The following FGD5 variants were observed in gnomAD, a reference collection of about 807,000 sequenced individuals.
FGD5 encodes the protein FYVE, RhoGEF and PH domain containing 5, also known as FYVE, RhoGEF and PH domain-containing protein 5.
A neutral mutation model predicts 133.4 loss-of-function variants in FGD5; 28 were observed. The observed-to-expected ratio is 0.21, with a 90% CI of 0.16 to 0.29. The LOEUF is 0.29. Among genes scored for constraint, FGD5 ranks in the 10% least tolerant of loss-of-function variants. The pLI is 1.00. For synonymous variants in FGD5, 810 were observed against 776.5 expected, an observed-to-expected ratio of 1.04 and a Z score of -0.72; for missense variants, 1,858 against 1,895.2, an observed-to-expected ratio of 0.98 and a Z score of 0.36.
intron 1 of FGD5, among the ~76,000 whole-genome samples, chr3:14,856,465 G>C (rs2037278502): frequency 6.6e-6 from 1 of 152,098 alleles, no homozygotes; most frequent in Non-Finnish European, 1.5e-5. Context: ...CTTTGGGTAA[G>C]TATTGTCATT....
At position 14,918,760 on chromosome 3, in the gene FGD5, C is replaced by G. The variant is rs367649195; in HGVS notation, c.3496C>G (p.Arg1166Gly). The change falls in exon 13 of 20, where the codon CGC becomes GGC. Residue 1166 changes from arginine (R) to glycine (G), a missense_variant. Arg to Gly is a moderately radical substitution (Grantham distance 125). Around this residue, in one of 3 missense-constraint regions of FGD5, gnomAD observed 1,824 missense variants for 1,848.9 expected, o/e 0.99. Transcript: ENST00000285046. ...TLAVANMKVS[R>G]PVMEKVPYAL... ...GCTGCTGTTGGTTTTCCAGGTCAGC[C>G]GCCCTGTGATGGAGAAAGTGCCCTA... 10 of 1,613,848 alleles carry G rather than the reference C, an allele frequency of 6.2e-6. No homozygotes were observed. Among genetic ancestry groups the G allele is most frequent in the Non-Finnish European group, 7.6e-6 (9 of 1,179,892 alleles).
At chr3:14,825,768 C>T (rs2036587934) in intron 1 of FGD5, among the ~76,000 whole-genome samples, 1 of 152,140 alleles carries the variant, frequency 6.6e-6, no homozygotes, top group East Asian at 1.9e-4. Context: ...TCCAGATAGG[C>T]TGTCTTATGT....
intron 1 of FGD5, among the ~76,000 whole-genome samples, chr3:14,852,437 T>TAGCA (rs2037182744): frequency 6.6e-6 from 1 of 152,324 alleles, no homozygotes; most frequent in East Asian, 1.9e-4. Context: ...CTGAGAGGCC[T>TAGCA]AGCAAGGAGT....
At chr3:14,913,771 TCTGTC>T (rs2038496985) in intron 11 of FGD5, among the ~76,000 whole-genome samples, 1 of 152,180 alleles carries the variant, frequency 6.6e-6, no homozygotes, top group Admixed American at 6.5e-5. Context: ...CTCCACTTCA[TCTGTC>T]CCTGGTCTTG....
intron 4 of FGD5, among the ~76,000 whole-genome samples, chr3:14,891,698 G>A (rs1299297284): frequency 6.6e-6 from 1 of 152,208 alleles, no homozygotes; most frequent in East Asian, 1.9e-4. Flanking sequence ...CAGGAGGTGA[G>A]CACAGGACAG....
chr3:14,871,844 A>G (rs2037613498), intron 2 of FGD5, among the ~76,000 whole-genome samples: 2 of 152,250 alleles, frequency 1.3e-5, no homozygotes, highest in Non-Finnish European at 2.9e-5. Context: ...TGTGGTCCAC[A>G]GATGATACTC....
chr3:14,850,787 G>GT (rs1344414546), intron 1 of FGD5, among the ~76,000 whole-genome samples: 1 of 152,016 alleles, frequency 6.6e-6, no homozygotes, highest in Non-Finnish European at 1.5e-5. Flanking sequence ...ACCTTGGTTG[G>GT]GGGGGCAGTG....
chr3:14,863,117 G>A (rs546403465), intron 1 of FGD5, among the ~76,000 whole-genome samples: 6 of 152,326 alleles, frequency 3.9e-5, no homozygotes, highest in Non-Finnish European at 5.9e-5. Context: ...GCTCCCTTCC[G>A]TCCTGCCATC....
chr3:14,909,913 G>A (rs1350260700), intron 10 of FGD5, among the ~76,000 whole-genome samples: 8 of 151,522 alleles, frequency 5.3e-5, no homozygotes, highest in Admixed American at 4.6e-4. Context: ...CTACAGGCAC[G>A]CACCACCACA....
chr3:14,910,854 C>G lies in FGD5; in HGVS notation c.3337-7C>G, dbSNP rs952531087. On this transcript the variant is annotated splice_region_variant and splice_polypyrimidine_tract_variant and intron_variant, in intron 10 of 19. Transcript: ENST00000285046. ...CTGACCGCCAAGTTCTGCTTCTCTC[C>G]CCACAGGAGTTTCTGAAGGAAGGGA... The G allele has an allele frequency of 1.2e-6, 2 of 1,612,652 alleles. No individual in the cohort carries two copies. Among genetic ancestry groups the G allele is most frequent in the African/African-American group, 1.3e-5 (1 of 74,986 alleles).
At position 14,907,630 on chromosome 3, in the gene FGD5, C is replaced by T; in HGVS notation, c.3265-10C>T. 1.2e-6 allele frequency: 2 copies of T among 1,613,180 alleles called. No individual in the cohort carries two copies. The highest frequency in any genetic ancestry group is 1.7e-6 in the Non-Finnish European group (2 of 1,179,414). On this transcript the variant is annotated splice_polypyrimidine_tract_variant and intron_variant, in intron 9 of 19. Coordinates refer to ENST00000285046, the MANE Select transcript of FGD5 (RefSeq NM_152536.4). ...TGACCATCTCTCCCTCACCCCATTC[C>T]CACCCACAGGAAAACCTGCAGAAGC...
chr3:14,873,723 CT>C (rs34092618), intron 2 of FGD5, among the ~76,000 whole-genome samples: 95 of 132,246 alleles, frequency 7.2e-4, no homozygotes, highest in African/African-American at 1.5e-3. Flanking sequence ...AAGAGCTACA[CT>C]TTTTTTTTTC....
chr3:14,926,034 C>A, intron 17 of FGD5, 36 bp from the exon 18 acceptor site: 1 of 1,610,612 alleles, frequency 6.2e-7, no homozygotes, highest in South Asian at 1.1e-5. Context: ...GCCTGACCAC[C>A]GGGGTGGGCT....
chr3:14,816,868 C>T (rs2036376650), upstream of FGD5, among the ~76,000 whole-genome samples: 1 of 152,126 alleles, frequency 6.6e-6, no homozygotes, highest in Non-Finnish European at 1.5e-5. Flanking sequence ...GCTGTTTTAA[C>T]CTTTAAACCC....
chr3:14,826,646 T>C (rs1266558598), intron 1 of FGD5, among the ~76,000 whole-genome samples: 1 of 152,204 alleles, frequency 6.6e-6, no homozygotes, highest in Non-Finnish European at 1.5e-5. Flanking sequence ...TAGCTGTTAT[T>C]AAGTGACATG....
chr3:14,815,102 C>T (rs570972270), upstream of FGD5, among the ~76,000 whole-genome samples: 1 of 152,294 alleles, frequency 6.6e-6, no homozygotes, highest in East Asian at 1.9e-4. Context: ...ATGTGCATGT[C>T]CCTCTGCTCA....
At chr3:14,902,213 C>T (rs1292877855) in intron 9 of FGD5, among the ~76,000 whole-genome samples, 1 of 148,786 alleles carries the variant, frequency 6.7e-6, no homozygotes, top group Non-Finnish European at 1.5e-5. Flanking sequence ...ACCTGGGAGG[C>T]GAAGGTTGCA....
intron 11 of FGD5, among the ~76,000 whole-genome samples, chr3:14,913,954 C>T (rs1181256586): frequency 6.6e-6 from 1 of 152,050 alleles, no homozygotes; most frequent in Non-Finnish European, 1.5e-5. Flanking sequence ...CTCCCCCCGT[C>T]TGGCATGGCC....
chr3:14,927,234 G>A (rs2038820184), intron 18 of FGD5, among the ~76,000 whole-genome samples: 1 of 152,218 alleles, frequency 6.6e-6, no homozygotes, highest in Non-Finnish European at 1.5e-5. Context: ...CTTTGCCTGT[G>A]TCCACAGGTG....
Sources: gnomAD v4.1 joint callset for allele counts (sites outside exome capture counted in the v4.1 genomes callset) on GRCh38, gnomAD v4.1.1 for gene constraint, gnomAD v4.1.1 regional missense constraint, MANE v1.5 for transcripts, NCBI Gene and HGNC (gene_info 2026-07-23, HGNC 2026-07-21) for gene names.